Variants in CNTN1 observed in about 807,000 individuals in gnomAD.
The protein encoded by CNTN1 is contactin 1.
In CNTN1, 38 loss-of-function variants were observed where a neutral mutation model predicts 126.4. The observed-to-expected ratio is 0.30, with a 90% CI of 0.23 to 0.39. CNTN1 has a LOEUF of 0.39. Ranked by LOEUF, CNTN1 falls within the 10% of genes least tolerant of loss-of-function variation. CNTN1 has a pLI of 1.00. For missense variants in CNTN1, 1,009 were observed against 1,248.4 expected (o/e 0.81, Z 2.89); for synonymous variants, 413 against 422.6 (o/e 0.98, Z 0.28).
Position 41,012,082 on chromosome 12 carries a change from G to T in CNTN1, c.2114-2146G>T, listed in dbSNP as rs140251147. 2.6e-5 allele frequency among the ~76,000 whole-genome samples: 4 copies of T among 152,104 alleles called. No individual in the cohort carries two copies. The East Asian group carries it at 7.8e-4, about 30-fold the overall frequency. ...GAGAATTGGGAAGCTAGAGTGCTTG[G>T]GTAAAGGAGAGGATTCCTATTCCAC... On this transcript the variant is annotated intron_variant, in intron 17 of 23. Coordinates refer to ENST00000551295, the MANE Select transcript of CNTN1 (RefSeq NM_001843.4).
chr12:40,920,247 C>T (rs1945388190), intron 4 of CNTN1, among the ~76,000 whole-genome samples: 1 of 152,060 alleles, frequency 6.6e-6, no homozygotes, highest in African/African-American at 2.4e-5. Flanking sequence ...GAAAGGGCTG[C>T]TCTCAGATAA....
chr12:41,064,166 T>G (rs1455196829), intron 23 of CNTN1, among the ~76,000 whole-genome samples: 1 of 119,102 alleles, frequency 8.4e-6, no homozygotes, highest in Non-Finnish European at 1.7e-5. Context: ...TGAGTGAGAC[T>G]CCATCTCAAA....
chr12:41,053,697 C>G (rs1474512017), intron 23 of CNTN1, among the ~76,000 whole-genome samples: 1 of 150,950 alleles, frequency 6.6e-6, no homozygotes, highest in African/African-American at 2.4e-5. Flanking sequence ...TTTAAAATAA[C>G]TAACATATAT....
At chr12:40,820,627 A>G (rs1482957324) in intron 1 of CNTN1, among the ~76,000 whole-genome samples, 2 of 151,792 alleles carry the variant, frequency 1.3e-5, no homozygotes, top group African/African-American at 4.9e-5. Context: ...TCACAATAAT[A>G]ATTCCTTTTT....
At position 40,931,034 on chromosome 12, in the gene CNTN1, A is replaced by T. The variant is rs113539188; in HGVS notation, c.703+1032A>T. On this transcript the variant is annotated intron_variant, in intron 7 of 23. Transcript: ENST00000551295. ...CTTACTTTTTGTCTCCATAGCAGAAATATTTCTCCCCTCGCTCAAGCTAAG... is the reference window on the plus strand; with the variant it reads ...CTTACTTTTTGTCTCCATAGCAGAATTATTTCTCCCCTCGCTCAAGCTAAG... Among the ~76,000 whole-genome samples the T allele has an allele frequency of 3.0e-3, 456 of 152,014 alleles. 4 individuals carry two copies. Among genetic ancestry groups the T allele is most frequent in the African/African-American group, 0.01 (431 of 41,504 alleles).
chr12:40,730,697 C>T (rs1942475564), intron 1 of CNTN1, among the ~76,000 whole-genome samples: 1 of 152,146 alleles, frequency 6.6e-6, no homozygotes, highest in Admixed American at 6.6e-5. Flanking sequence ...TAATTTCATA[C>T]CACTGACATG....
At chr12:41,037,037 CCTTT>C (rs1195333234) in intron 23 of CNTN1, among the ~76,000 whole-genome samples, 8 of 151,754 alleles carry the variant, frequency 5.3e-5, no homozygotes, top group Non-Finnish European at 1.0e-4. Context: ...CTGTTCATGC[CCTTT>C]CTATGTTTCA....
At chr12:40,829,483 A>C (rs1204613589) in intron 1 of CNTN1, among the ~76,000 whole-genome samples, 2 of 152,176 alleles carry the variant, frequency 1.3e-5, no homozygotes, top group African/African-American at 4.8e-5. Context: ...GTTTTGGGAA[A>C]AAAAAGTATC....
chr12:40,914,718 C>T (rs1006643440), intron 3 of CNTN1, among the ~76,000 whole-genome samples: 47 of 152,060 alleles, frequency 3.1e-4, no homozygotes, highest in African/African-American at 1.1e-3. Context: ...TCCTTGAAAG[C>T]TTGCATTGTC....
At chr12:41,035,726 A>G (rs1025324890) in intron 23 of CNTN1, among the ~76,000 whole-genome samples, 1 of 152,158 alleles carries the variant, frequency 6.6e-6, no homozygotes, top group Non-Finnish European at 1.5e-5. Context: ...AACTAGCCAT[A>G]TGACAAAAGT....
intron 15 of CNTN1, among the ~76,000 whole-genome samples, chr12:40,964,862 G>A (rs1422540742): frequency 1.3e-5 from 2 of 152,056 alleles, no homozygotes; most frequent in African/African-American, 4.8e-5. Context: ...TATAATAGTT[G>A]CCTAAAGGTC....
chr12:41,038,425 G>T (rs1949319079), intron 23 of CNTN1, among the ~76,000 whole-genome samples: 1 of 152,010 alleles, frequency 6.6e-6, no homozygotes, highest in African/African-American at 2.4e-5. Context: ...CTTGTAGATG[G>T]CCGTGTCTTC....
intron 1 of CNTN1, among the ~76,000 whole-genome samples, chr12:40,832,927 C>G (rs1941902390): frequency 6.6e-6 from 1 of 152,142 alleles, no homozygotes. Context: ...CTTACCTGCT[C>G]CTGTTCGTTC....
chr12:40,975,416 C>G (rs1947647063), intron 15 of CNTN1, among the ~76,000 whole-genome samples: 1 of 151,766 alleles, frequency 6.6e-6, no homozygotes, highest in East Asian at 1.9e-4. Context: ...CAGGCCGTTT[C>G]CCCAGTCCTT....
At chr12:40,936,977 A>G in intron 10 of CNTN1, 72 bp downstream of exon 10, 1 of 1,590,472 alleles carries the variant, frequency 6.3e-7, no homozygotes, top group East Asian at 2.2e-5. Context: ...TCCTGGGATA[A>G]ATTTAGCAGG....
At chr12:40,755,224 A>G (rs6581937) in intron 1 of CNTN1, among the ~76,000 whole-genome samples, 100,806 of 124,036 alleles carry the variant, frequency 0.81, 41,959 homozygotes, top group East Asian at 0.99. Context: ...AAAAAAAAAA[A>G]AAGAAGAAAA....
At chr12:40,872,212 T>TTGTGTGTGTG (rs61187240) in intron 1 of CNTN1, among the ~76,000 whole-genome samples, 6 of 113,598 alleles carry the variant, frequency 5.3e-5, no homozygotes, top group South Asian at 2.9e-4. Context: ...GTTGCTTTGT[T>TTGTGTGTGTG]TGTGTGTGTG....
At chr12:41,011,800 T>G (rs1948661446) in intron 17 of CNTN1, among the ~76,000 whole-genome samples, 1 of 152,134 alleles carries the variant, frequency 6.6e-6, no homozygotes, top group Admixed American at 6.5e-5. Flanking sequence ...TGCTAAAGTG[T>G]TTACCCTTAG....
intron 1 of CNTN1, among the ~76,000 whole-genome samples, chr12:40,696,186 A>G (rs1007340366): frequency 3.3e-5 from 5 of 152,236 alleles, no homozygotes; most frequent in African/African-American, 1.2e-4. Flanking sequence ...TGTAATGCAC[A>G]AGGTGAAAAC....
Sources: gnomAD v4.1 joint callset for allele counts (sites outside exome capture counted in the v4.1 genomes callset) on GRCh38, gnomAD v4.1.1 for gene constraint, MANE v1.5 for transcripts, NCBI Gene and HGNC (gene_info 2026-07-23, HGNC 2026-07-21) for gene names.